Variants in PIK3AP1 observed in about 807,000 individuals in gnomAD.
PIK3AP1 encodes phosphoinositide-3-kinase adaptor protein 1, also known as phosphoinositide 3-kinase adapter protein 1.
Under a neutral mutation model 88.1 loss-of-function variants are expected in PIK3AP1, and 21 were observed. The ratio of observed to expected loss-of-function variants is 0.24; its 90% CI spans 0.17 to 0.34. The LOEUF (loss-of-function observed/expected upper bound fraction) is 0.34. Among genes scored for constraint, PIK3AP1 ranks in the 10% least tolerant of loss-of-function variants. The probability of loss-of-function intolerance (pLI) is 1.00; values close to 1 mark genes in which losing one functional copy is unlikely to be tolerated. For synonymous variants in PIK3AP1, 398 were observed against 400.0 expected (o/e 1.00, Z 0.06); for missense variants, 828 against 1,035.7 (o/e 0.80, Z 2.75).
intron 2 of PIK3AP1, among the ~76,000 whole-genome samples, chr10:96,682,842 T>C (rs1249018983): frequency 6.6e-6 from 1 of 152,252 alleles, no homozygotes; most frequent in East Asian, 1.9e-4. Flanking sequence ...TAAAAAGAGC[T>C]GCTTTCCTCT....
At chr10:96,603,087 T>C (rs1340378341) in intron 15 of PIK3AP1, among the ~76,000 whole-genome samples, 1 of 152,162 alleles carries the variant, frequency 6.6e-6, no homozygotes, top group East Asian at 1.9e-4. Flanking sequence ...TTCCCACAGA[T>C]GCCCCTTAAG....
At chr10:96,674,516 A>G (rs1843890066) in intron 2 of PIK3AP1, among the ~76,000 whole-genome samples, 1 of 152,226 alleles carries the variant, frequency 6.6e-6, no homozygotes, top group Non-Finnish European at 1.5e-5. Flanking sequence ...CTGTTGACCA[A>G]ATTTTTCTTC....
intron 2 of PIK3AP1, among the ~76,000 whole-genome samples, chr10:96,701,188 A>G (rs1421668738): frequency 6.6e-6 from 1 of 152,204 alleles, no homozygotes; most frequent in Non-Finnish European, 1.5e-5. Context: ...GAAATTGCCA[A>G]TGCTCAGCCT....
intron 2 of PIK3AP1, among the ~76,000 whole-genome samples, chr10:96,669,769 C>CA (rs1414531502): frequency 9.4e-5 from 14 of 148,274 alleles, no homozygotes; most frequent in Non-Finnish European, 1.5e-4. Flanking sequence ...CAAAAAAACA[C>CA]AAAAAACAAA....
chr10:96,645,856 T>C (rs984714880), intron 7 of PIK3AP1, among the ~76,000 whole-genome samples, 194 bp from the exon 8 acceptor site: 1 of 152,218 alleles, frequency 6.6e-6, no homozygotes, highest in Non-Finnish European at 1.5e-5. Context: ...TTTTAGTTTA[T>C]TTCACGTTTT....
chr10:96,713,711 A>G (rs1844467775), intron 1 of PIK3AP1, among the ~76,000 whole-genome samples: 1 of 152,092 alleles, frequency 6.6e-6, no homozygotes, highest in Admixed American at 6.5e-5. Context: ...CTCCAATTTT[A>G]TAAGAAGAAT....
rs1844555792 is a variant in PIK3AP1, at chr10:96,720,363, G to A, written c.13+19C>T. 8.1e-7 allele frequency: 1 copy of A among 1,242,128 alleles called. No individual in the cohort carries two copies. 76.9% of individuals were successfully genotyped at this position (1,242,128 alleles called of 1,614,324 possible). Reference sequence around the variant, plus strand: ...AGAGGGGCCGGGAGCCCGGGGACCCGCGGCGCCTGCCTACCCACCTGAGGC... The same window carrying A: ...AGAGGGGCCGGGAGCCCGGGGACCCACGGCGCCTGCCTACCCACCTGAGGC... On this transcript the variant is annotated intron_variant, in intron 1 of 16. Coordinates refer to ENST00000339364, the MANE Select transcript of PIK3AP1 (RefSeq NM_152309.3). The surrounding 1 kb of genome is among the most constrained non-coding windows in gnomAD (Gnocchi z 4.6).
chr10:96,633,575 T>C (rs7906662), intron 8 of PIK3AP1, among the ~76,000 whole-genome samples: 70,081 of 151,706 alleles, frequency 0.46, 16,385 homozygotes, highest in African/African-American at 0.53. Context: ...ATTACTATTA[T>C]TATTATTTTT....
At chr10:96,627,861 A>T (rs978856473) in intron 9 of PIK3AP1, among the ~76,000 whole-genome samples, 2 of 152,218 alleles carry the variant, frequency 1.3e-5, no homozygotes, top group Non-Finnish European at 2.9e-5. Flanking sequence ...AACGGAGGAA[A>T]CTGAGTCCCA....
intron 8 of PIK3AP1, among the ~76,000 whole-genome samples, chr10:96,628,855 TAC>T (rs199941989): frequency 2.6e-4 from 36 of 137,450 alleles, no homozygotes; most frequent in African/African-American, 5.1e-4. Flanking sequence ...AACATATATA[TAC>T]ACACACACAT....
chr10:96,608,069 G>C (rs1849032887), intron 14 of PIK3AP1, among the ~76,000 whole-genome samples: 1 of 152,078 alleles, frequency 6.6e-6, no homozygotes, highest in Non-Finnish European at 1.5e-5. Flanking sequence ...CTGCACAAGG[G>C]GAAAAGCACA....
intron 2 of PIK3AP1, among the ~76,000 whole-genome samples, chr10:96,672,301 C>T (rs547406086): frequency 3.9e-5 from 6 of 152,278 alleles, no homozygotes; most frequent in East Asian, 1.9e-4. Context: ...GAATTTGCAG[C>T]GCTGGGTGGA....
chr10:96,701,757 A>G (rs1372142857), intron 2 of PIK3AP1, among the ~76,000 whole-genome samples: 1 of 152,208 alleles, frequency 6.6e-6, no homozygotes, highest in Non-Finnish European at 1.5e-5. Flanking sequence ...TGGGGACTCT[A>G]TAGCAGTATG....
At chr10:96,610,128 G>C (rs1348661314) in intron 13 of PIK3AP1, among the ~76,000 whole-genome samples, 2 of 152,176 alleles carry the variant, frequency 1.3e-5, no homozygotes, top group African/African-American at 4.8e-5. Flanking sequence ...ACAGAGAAGC[G>C]CTTCTGCATC....
chr10:96,662,640 G>A (rs1388160425), intron 2 of PIK3AP1, among the ~76,000 whole-genome samples: 1 of 151,256 alleles, frequency 6.6e-6, no homozygotes, highest in Non-Finnish European at 1.5e-5. Context: ...CAGCACTTTG[G>A]GAGGCCGAGG....
At chr10:96,609,964 G>C (rs1264243062) in intron 13 of PIK3AP1, 97 bp from the exon 14 acceptor site, 1 of 1,434,914 alleles carries the variant, frequency 7.0e-7, no homozygotes, top group East Asian at 2.3e-5. Context: ...TCTCACAGGA[G>C]CCTGCATGGG....
chr10:96,705,572 T>G (rs1010357158), intron 2 of PIK3AP1, among the ~76,000 whole-genome samples: 1 of 151,564 alleles, frequency 6.6e-6, no homozygotes, highest in Non-Finnish European at 1.5e-5. Context: ...AATTTTCCAT[T>G]GCATTTCTTT....
chr10:96,705,994 C>T (rs1326787828), intron 2 of PIK3AP1, among the ~76,000 whole-genome samples: 3 of 146,802 alleles, frequency 2.0e-5, no homozygotes, highest in Non-Finnish European at 3.0e-5. Context: ...CCCAGGTTCA[C>T]GCCATTCTCC....
At chr10:96,603,711 C>T (rs901780970) in intron 15 of PIK3AP1, 1 of 250,364 alleles carries the variant, frequency 4.0e-6, no homozygotes, top group African/African-American at 2.6e-5. Flanking sequence ...CACACACACA[C>T]CACATATATA....
Sources: gnomAD v4.1 joint callset for allele counts (sites outside exome capture counted in the v4.1 genomes callset) on GRCh38, gnomAD v4.1.1 for gene constraint, Gnocchi (gnomAD v3.1) non-coding constraint, MANE v1.5 for transcripts, NCBI Gene and HGNC (gene_info 2026-07-23, HGNC 2026-07-21) for gene names.